HCN1: variants seen among roughly 807,000 people sequenced by gnomAD.
The protein encoded by HCN1 is potassium/sodium hyperpolarization-activated cyclic nucleotide-gated channel 1.
In HCN1, 13 loss-of-function variants were observed where a neutral mutation model predicts 78.9. That is an observed-to-expected ratio of 0.16 (90% confidence interval 0.11 to 0.26). HCN1 has a LOEUF of 0.26. HCN1 is among the 10% of genes least tolerant of loss of function. The probability of loss-of-function intolerance (pLI) is 1.00; values close to 1 mark genes in which losing one functional copy is unlikely to be tolerated. For synonymous variants in HCN1, 552 were observed against 455.5 expected (o/e 1.21, Z -2.70); for missense variants, 810 against 1,154.3 (o/e 0.70, Z 4.32).
intron 6 of HCN1, among the ~76,000 whole-genome samples, chr5:45,299,759 A>G (rs1290276036): frequency 6.6e-6 from 1 of 151,964 alleles, no homozygotes; most frequent in Non-Finnish European, 1.5e-5. Flanking sequence ...GATTGTTTAA[A>G]CTTCTCTAAA....
At chr5:45,539,919 GATATATATATATAT>G (rs66934051) in intron 2 of HCN1, among the ~76,000 whole-genome samples, 54,720 of 126,044 alleles carry the variant, frequency 0.43, 12,909 homozygotes, top group Middle Eastern at 0.53. Context: ...TAAATTGTGA[GATATATATATATAT>G]ATATATATAT....
At chr5:45,608,394 T>TGTGTGTGTGG (rs1277517715) in intron 2 of HCN1, among the ~76,000 whole-genome samples, 23 of 149,886 alleles carry the variant, frequency 1.5e-4, no homozygotes, top group South Asian at 6.3e-4. Context: ...TGTGTGTGTA[T>TGTGTGTGTGG]GTGTGATGTC....
At chr5:45,414,304 C>T (rs933792202) in intron 3 of HCN1, among the ~76,000 whole-genome samples, 27 of 151,964 alleles carry the variant, frequency 1.8e-4, no homozygotes, top group Non-Finnish European at 2.8e-4. Flanking sequence ...AAACAATCAA[C>T]AGACTAAAAA....
chr5:45,602,368 G>A (rs1200223681), intron 2 of HCN1, among the ~76,000 whole-genome samples: 1 of 152,072 alleles, frequency 6.6e-6, no homozygotes, highest in East Asian at 1.9e-4. Flanking sequence ...GAGACGTCAT[G>A]GATGTGCACA....
rs1032660994 is a variant in HCN1 at position 45,289,803 on chromosome 5, T to C, written c.1618+13796A>G. On this transcript the variant is annotated intron_variant, in intron 6 of 7. Coordinates refer to ENST00000303230, the MANE Select transcript of HCN1 (RefSeq NM_021072.4). ...TTTATGGACAACAGAAATGTATTCT[T>C]ACAGTTCTGGAGCCTCAAAGTTCAA... Among the ~76,000 whole-genome samples, 10 of 152,190 alleles carry C rather than the reference T, an allele frequency of 6.6e-5. No individual in the cohort carries two copies. The East Asian group carries it at 1.7e-3, about 27-fold the overall frequency.
At chr5:45,537,849 G>A (rs566705304) in intron 2 of HCN1, among the ~76,000 whole-genome samples, 1 of 152,040 alleles carries the variant, frequency 6.6e-6, no homozygotes, top group Non-Finnish European at 1.5e-5. Flanking sequence ...AGAACCTACA[G>A]AGAATCACCT....
Position 45,326,886 on chromosome 5 carries a change from C to T in HCN1, c.1378-23047G>A, listed in dbSNP as rs1012615080. On this transcript the variant is annotated intron_variant, in intron 5 of 7. Coordinates refer to ENST00000303230, the MANE Select transcript of HCN1 (RefSeq NM_021072.4). ...TGCCTTACTAGAACATAGGGACATA[C>T]TGTTCTGTTAAGGTACCATGCAGAA... Among the ~76,000 whole-genome samples the T allele has an allele frequency of 2.0e-5, 3 of 151,586 alleles. 1 individual carries two copies. The highest frequency in any genetic ancestry group is 4.1e-4 in the South Asian group (2 of 4,828).
chr5:45,503,424 CAG>C (rs1488678329), intron 2 of HCN1, among the ~76,000 whole-genome samples: 13 of 152,144 alleles, frequency 8.5e-5, no homozygotes, highest in African/African-American at 3.1e-4. Context: ...CACAGAGAGA[CAG>C]AGATTGCTTT....
chr5:45,634,122 G>A (rs1745317870), intron 2 of HCN1, among the ~76,000 whole-genome samples: 1 of 151,800 alleles, frequency 6.6e-6, no homozygotes, highest in Non-Finnish European at 1.5e-5. Context: ...GCTTACTGGT[G>A]CCCTCCTTTC....
chr5:45,609,644 T>A (rs1744795594), intron 2 of HCN1, among the ~76,000 whole-genome samples: 1 of 152,124 alleles, frequency 6.6e-6, no homozygotes, highest in Non-Finnish European at 1.5e-5. Context: ...ATGTATTATA[T>A]AAACCATGAT....
In HCN1 at chr5:45,517,520, TAA is replaced by T. The variant is rs773490588; in HGVS notation, c.850-55515_850-55514del. Among the ~76,000 whole-genome samples the T allele has an allele frequency of 8.8e-4, 83 of 94,374 alleles. No homozygotes were observed. In the East Asian group the frequency reaches 0.011, roughly 12 times the overall value. 61.9% of individuals were successfully genotyped at this position (94,374 alleles called of 152,430 possible). On this transcript the variant is annotated intron_variant, in intron 2 of 7. Transcript: ENST00000303230. ...AGAGATTGTATTCCCAATTTCCCCT[TAA>T]AAAAAAAAAAAAAAAAAAAAAACAT... is the stretch of plus-strand genomic sequence containing the variant.
intron 6 of HCN1, among the ~76,000 whole-genome samples, chr5:45,302,642 A>AT (rs1004795823): frequency 2.6e-5 from 4 of 151,052 alleles, no homozygotes; most frequent in African/African-American, 9.7e-5. Flanking sequence ...TATATATATA[A>AT]TTTTAATAAA....
At chr5:45,602,893 A>T (rs1413807333) in intron 2 of HCN1, among the ~76,000 whole-genome samples, 1 of 152,108 alleles carries the variant, frequency 6.6e-6, no homozygotes, top group Non-Finnish European at 1.5e-5. Context: ...GCTTAAGCTC[A>T]TTATTTCTAG....
chr5:45,306,980 G>T (rs371914668), intron 5 of HCN1, among the ~76,000 whole-genome samples: 8 of 152,002 alleles, frequency 5.3e-5, no homozygotes, highest in African/African-American at 1.9e-4. Context: ...GTACAAGAAA[G>T]TATGTACATG....
rs1013421167 is a variant in HCN1, at chr5:45,479,549, A to G, written c.850-17542T>C. Among the ~76,000 whole-genome samples, 4 of 152,224 alleles carry G rather than the reference A, an allele frequency of 2.6e-5. No homozygotes were observed. The East Asian group carries it at 7.7e-4, about 29-fold the overall frequency. On this transcript the variant is annotated intron_variant, in intron 2 of 7. Coordinates refer to ENST00000303230, the MANE Select transcript of HCN1 (RefSeq NM_021072.4). ...TGCTGTGGCAGAAGAAATAAAAGGC[A>G]ATTGAAGAAACAGAACTGACAATAC...
At chr5:45,572,132 T>C (rs1743849389) in intron 2 of HCN1, among the ~76,000 whole-genome samples, 1 of 152,178 alleles carries the variant, frequency 6.6e-6, no homozygotes, top group South Asian at 2.1e-4. Flanking sequence ...TTATCCTCCT[T>C]TCAGCCTCCA....
At chr5:45,267,806 C>A (rs1420537640) in intron 6 of HCN1, among the ~76,000 whole-genome samples, 1 of 152,012 alleles carries the variant, frequency 6.6e-6, no homozygotes, top group Non-Finnish European at 1.5e-5. Context: ...ATGGTTGAGA[C>A]TTTTGGTTTA....
intron 2 of HCN1, among the ~76,000 whole-genome samples, chr5:45,533,055 C>A (rs1206440059): frequency 3.3e-5 from 5 of 152,124 alleles, no homozygotes; most frequent in Non-Finnish European, 7.4e-5. Flanking sequence ...GGAATTCTGA[C>A]AGCTAAGATT....
At chr5:45,427,791 T>C (rs1740381857) in intron 3 of HCN1, among the ~76,000 whole-genome samples, 1 of 152,100 alleles carries the variant, frequency 6.6e-6, no homozygotes, top group Non-Finnish European at 1.5e-5. Flanking sequence ...TAAAATGTTT[T>C]TATGTCATGT....
Sources: allele counts gnomAD v4.1 joint callset (sites outside exome capture counted in the v4.1 genomes callset), GRCh38; gene constraint gnomAD v4.1.1; transcripts MANE v1.5; gene names NCBI Gene and HGNC (gene_info 2026-07-23, HGNC 2026-07-21).